Variants in FOXP2 observed in about 807,000 individuals in gnomAD.
FOXP2 encodes forkhead box P2, also known as forkhead box protein P2.
Under a neutral mutation model 115.8 loss-of-function variants are expected in FOXP2, and 12 were observed. The ratio of observed to expected loss-of-function variants is 0.10; its 90% CI spans 0.07 to 0.17. FOXP2 has a LOEUF of 0.17. Among genes scored for constraint, FOXP2 ranks in the 10% least tolerant of loss-of-function variants. The pLI is 1.00. For synonymous variants in FOXP2, 328 were observed against 297.7 expected (o/e 1.10, Z -1.05); for missense variants, 629 against 843.5 (o/e 0.75, Z 3.15).
intron 1 of FOXP2, among the ~76,000 whole-genome samples, chr7:114,421,496 T>G (rs1383349981): frequency 5.3e-5 from 8 of 151,730 alleles, no homozygotes; most frequent in African/African-American, 1.9e-4. Context: ...AAAGTCTGAA[T>G]TTTTACTAAA....
At chr7:114,089,110 T>C (rs749452777) in intron 1 of FOXP2, among the ~76,000 whole-genome samples, 13 of 152,136 alleles carry the variant, frequency 8.5e-5, no homozygotes, top group African/African-American at 3.1e-4. Context: ...TAGACTCATA[T>C]TCAGTCGTCA....
Position 114,384,283 on chromosome 7 carries a change from A to G in FOXP2, c.-10-42219A>G, listed in dbSNP as rs557032974. Among the ~76,000 whole-genome samples, 5 of 152,312 alleles carry G rather than the reference A, an allele frequency of 3.3e-5. No homozygotes were observed. In the East Asian group the frequency reaches 9.6e-4, roughly 29 times the overall value. On this transcript the variant is annotated intron_variant, in intron 2 of 17. Transcript: ENST00000634411. Reference sequence around the variant, plus strand: ...GCTGGGTTCCTGAGTATTTCATAACAACCCAGCTGACCCATCAAGATGCAT... The same window carrying G: ...GCTGGGTTCCTGAGTATTTCATAACGACCCAGCTGACCCATCAAGATGCAT...
intron 3 of FOXP2, among the ~76,000 whole-genome samples, chr7:114,603,236 AC>A (rs1803129985): frequency 1.3e-5 from 2 of 152,186 alleles, no homozygotes; most frequent in East Asian, 3.8e-4. Context: ...TCAAAACTTT[AC>A]CCACTATCAT....
At chr7:114,331,600 A>T (rs1421271309) in intron 2 of FOXP2, among the ~76,000 whole-genome samples, 3 of 151,994 alleles carry the variant, frequency 2.0e-5, no homozygotes, top group Admixed American at 6.6e-5. Flanking sequence ...TTCTCCGAGG[A>T]ATAACATTAC....
At chr7:114,517,392 G>T (rs1439025570) in intron 2 of FOXP2, among the ~76,000 whole-genome samples, 1 of 151,974 alleles carries the variant, frequency 6.6e-6, no homozygotes, top group Non-Finnish European at 1.5e-5. Flanking sequence ...TGTGTTTTGG[G>T]GCTCATATCC....
At chr7:114,098,494 C>T (rs879194207) in intron 1 of FOXP2, among the ~76,000 whole-genome samples, 1 of 152,036 alleles carries the variant, frequency 6.6e-6, no homozygotes, top group Non-Finnish European at 1.5e-5. Flanking sequence ...CTTCAATAAA[C>T]GGTGCTGGGA....
chr7:114,355,958 C>T (rs924210342), intron 2 of FOXP2, among the ~76,000 whole-genome samples: 2 of 152,200 alleles, frequency 1.3e-5, no homozygotes, highest in Admixed American at 6.5e-5. Context: ...ATACTTACCT[C>T]TGTTCAACTA....
intron 1 of FOXP2, among the ~76,000 whole-genome samples, chr7:114,174,341 G>A (rs776930): frequency 0.026 from 3,971 of 151,976 alleles, 182 homozygotes; most frequent in African/African-American, 0.088. Context: ...TCAGGAAATA[G>A]GGATTTTATT....
At chr7:114,555,988 G>C (rs188468981) in intron 3 of FOXP2, among the ~76,000 whole-genome samples, 2 of 152,176 alleles carry the variant, frequency 1.3e-5, no homozygotes, top group Non-Finnish European at 2.9e-5. Context: ...TGCTGACATG[G>C]CAGTGGACTT....
rs537120170 is a variant in FOXP2 at position 114,098,751 on chromosome 7, A to G, written c.-247+10913A>G. ...TAAAAAGCTTTTCCACAGCAAAGGC[A>G]TCAGTTAAAGTGAAATGGCAGTCTA... On this transcript the variant is annotated intron_variant, in intron 1 of 19. Transcript: ENST00000635638. 3.9e-5 allele frequency among the ~76,000 whole-genome samples: 6 copies of G among 152,342 alleles called. No homozygotes were observed. In the South Asian group the frequency reaches 1.2e-3, roughly 32 times the overall value.
intron 2 of FOXP2, among the ~76,000 whole-genome samples, chr7:114,396,668 AGGG>A (rs1176511413): frequency 6.6e-6 from 1 of 151,444 alleles, no homozygotes; most frequent in African/African-American, 2.4e-5. Context: ...GGGGGTTGAG[AGGG>A]TGGTGGTGGT....
intron 3 of FOXP2, among the ~76,000 whole-genome samples, chr7:114,615,460 A>C (rs1224318275): frequency 1.3e-5 from 2 of 152,188 alleles, no homozygotes; most frequent in Non-Finnish European, 2.9e-5. Context: ...ACATTGTCTC[A>C]TGATTATCTT....
At position 114,492,929 on chromosome 7, in the gene FOXP2, C is replaced by T. The variant is rs762404204; in HGVS notation, c.169-41688C>T. Among the ~76,000 whole-genome samples the T allele has an allele frequency of 6.1e-4, 92 of 151,998 alleles. 1 individual carries two copies. The highest frequency in any genetic ancestry group is 2.1e-4 in the South Asian group (1 of 4,816). ...GAGTTCTGTAGATGTCTATTAAGTC[C>T]GCTTGGTGCAGAGCTGAGTTCAATT... On this transcript the variant is annotated intron_variant, in intron 2 of 16. Coordinates refer to ENST00000350908, the MANE Select transcript of FOXP2 (RefSeq NM_014491.4).
intron 2 of FOXP2, chr7:114,463,038 T>C: frequency 4.6e-6 from 2 of 432,692 alleles, no homozygotes; most frequent in South Asian, 3.3e-5. Context: ...TCATTTATTA[T>C]GTTTTTTAGA....
At chr7:114,323,502 G>T (rs1160702504) in intron 2 of FOXP2, among the ~76,000 whole-genome samples, 1 of 151,938 alleles carries the variant, frequency 6.6e-6, no homozygotes, top group Admixed American at 6.6e-5. Context: ...AGAGTGAGTT[G>T]CTGAAAAGAC....
chr7:114,669,772 T>C (rs1807394875), intron 16 of FOXP2: 1 of 152,052 alleles, frequency 6.6e-6, no homozygotes, highest in African/African-American at 2.4e-5. Flanking sequence ...CCTGTCTACT[T>C]CCCAACCTAA....
chr7:114,086,487 G>A (rs1584470035), upstream of FOXP2: 1 of 322,792 alleles, frequency 3.1e-6, no homozygotes, highest in Non-Finnish European at 6.1e-6. Flanking sequence ...CCCCCTCCCC[G>A]GGCGCGCCCC....
At chr7:114,689,724 GC>G in intron 16 of FOXP2, 57 bp from the exon 17 acceptor site, 1 of 1,600,658 alleles carries the variant, frequency 6.2e-7, no homozygotes. Context: ...TGCAAAGTTG[GC>G]CAAACTCTGT....
intron 2 of FOXP2, among the ~76,000 whole-genome samples, chr7:114,335,986 T>A (rs1003331720): frequency 6.6e-6 from 1 of 151,770 alleles, no homozygotes; most frequent in Non-Finnish European, 1.5e-5. Flanking sequence ...ATTTTATCTA[T>A]AATAATGAAT....
Sources: gnomAD v4.1 joint callset for allele counts (sites outside exome capture counted in the v4.1 genomes callset) on GRCh38, gnomAD v4.1.1 for gene constraint, MANE v1.5 for transcripts, NCBI Gene and HGNC (gene_info 2026-07-23, HGNC 2026-07-21) for gene names.